Variants in UTRN observed in about 807,000 individuals in gnomAD.
UTRN encodes the protein dystrophin-related protein 1.
A neutral mutation model predicts 463.9 loss-of-function variants in UTRN; 283 were observed. The ratio of observed to expected loss-of-function variants is 0.61; its 90% confidence interval spans 0.55 to 0.67. The LOEUF (loss-of-function observed/expected upper bound fraction) is 0.67, where lower values mean the gene tolerates loss of function less well. Among genes scored for constraint, UTRN ranks in the 30% least tolerant of loss-of-function variants. The probability of loss-of-function intolerance (pLI) is 0.00; values close to 1 mark genes in which losing one functional copy is unlikely to be tolerated. For missense variants in UTRN, 3,922 were observed against 4,084.3 expected, an observed-to-expected ratio of 0.96 and a Z score of 1.08; for synonymous variants, 1,442 against 1,431.5, an observed-to-expected ratio of 1.01 and a Z score of -0.17.
chr6:144,513,381 C>T (rs1412126082), intron 35 of UTRN, among the ~76,000 whole-genome samples: 3 of 152,074 alleles, frequency 2.0e-5, no homozygotes, highest in East Asian at 1.9e-4. Context: ...GAAACCCCGT[C>T]TCTACTAAAA....
chr6:144,832,748 T>G (rs1458995255), intron 69 of UTRN, among the ~76,000 whole-genome samples: 1 of 152,162 alleles, frequency 6.6e-6, no homozygotes, highest in African/African-American at 2.4e-5. Flanking sequence ...TCTTTCCATA[T>G]TTATTATTTT....
At chr6:144,668,595 C>T (rs1157527385) in intron 51 of UTRN, among the ~76,000 whole-genome samples, 1 of 152,018 alleles carries the variant, frequency 6.6e-6, no homozygotes, top group South Asian at 2.1e-4. Flanking sequence ...CTGGCAGATT[C>T]GATATTCTAG....
Position 144,797,999 on chromosome 6 carries a change from T to G in UTRN, c.9245+9T>G. 1 of 1,614,030 alleles carries G rather than the reference T, an allele frequency of 6.2e-7. No individual in the cohort carries two copies. Among genetic ancestry groups the G allele is most frequent in the South Asian group, 1.1e-5 (1 of 91,062 alleles). ...CCAATTGTCGGGTTCAGGTAAGGCG[T>G]GCCAGTGCTGGAGGAGGCTATTTTC... is the stretch of plus-strand genomic sequence containing the variant. On this transcript the variant is annotated intron_variant, in intron 64 of 74. Coordinates refer to ENST00000367545, the MANE Select transcript of UTRN (RefSeq NM_007124.3).
At chr6:144,423,733 T>C in intron 5 of UTRN, 107 bp downstream of exon 5, 1 of 1,335,008 alleles carries the variant, frequency 7.5e-7, no homozygotes, top group Non-Finnish European at 1.1e-6. Context: ...CTTGCAAACA[T>C]TTTTTCTTAT....
In UTRN at chr6:144,422,010, A is replaced by G. The variant is rs774409791; in HGVS notation, c.234+40A>G. On this transcript the variant is annotated intron_variant, in intron 4 of 74. Coordinates refer to ENST00000367545, the MANE Select transcript of UTRN (RefSeq NM_007124.3). ...TTTGTAAACAACGGAGTCTCCGGTC[A>G]TTGCTGATACTTGATGACCCAGTGT... 5.2e-6 allele frequency: 8 copies of G among 1,549,764 alleles called. No homozygotes were observed. The African/African-American group carries it at 5.5e-5, about 11-fold the overall frequency.
chr6:144,589,126 A>G (rs1376475212), intron 51 of UTRN, among the ~76,000 whole-genome samples: 8 of 152,256 alleles, frequency 5.3e-5, no homozygotes, highest in Admixed American at 5.2e-4. Context: ...AAGTTAAGCA[A>G]GAATTTTGGA....
intron 43 of UTRN, among the ~76,000 whole-genome samples, chr6:144,535,922 A>G (rs1231951486): frequency 6.6e-6 from 1 of 152,080 alleles, no homozygotes; most frequent in Non-Finnish European, 1.5e-5. Flanking sequence ...TGGGGCTGCA[A>G]GTGTGTGCTA....
intron 66 of UTRN, among the ~76,000 whole-genome samples, chr6:144,826,850 G>C (rs1399611871): frequency 6.6e-6 from 1 of 151,944 alleles, no homozygotes; most frequent in Non-Finnish European, 1.5e-5. Context: ...ATCTGGGTTT[G>C]GATGTTTACA....
At chr6:144,760,210 A>G (rs1225308348) in intron 58 of UTRN, among the ~76,000 whole-genome samples, 2 of 152,076 alleles carry the variant, frequency 1.3e-5, no homozygotes, top group Non-Finnish European at 2.9e-5. Flanking sequence ...ATCTGGTAGG[A>G]TTGTATTCTT....
At chr6:144,308,701 C>T (rs572572640) in intron 2 of UTRN, among the ~76,000 whole-genome samples, 9 of 152,322 alleles carry the variant, frequency 5.9e-5, no homozygotes, top group Admixed American at 1.3e-4. Context: ...CCACCCTAAC[C>T]GTGTACATTG....
At chr6:144,635,759 G>A (rs1777108730) in intron 51 of UTRN, among the ~76,000 whole-genome samples, 1 of 150,406 alleles carries the variant, frequency 6.6e-6, no homozygotes, top group Non-Finnish European at 1.5e-5. Context: ...GGCTGGTCTT[G>A]AATTCCTGAC....
chr6:144,645,764 T>G (rs892750482), intron 51 of UTRN, among the ~76,000 whole-genome samples: 1 of 152,092 alleles, frequency 6.6e-6, no homozygotes, highest in Non-Finnish European at 1.5e-5. Flanking sequence ...GCTGTGTTGG[T>G]GATGTGAGTA....
chr6:144,745,104 G>A (rs902662291), intron 54 of UTRN, among the ~76,000 whole-genome samples: 12 of 152,092 alleles, frequency 7.9e-5, no homozygotes, highest in African/African-American at 2.9e-4. Context: ...TGTGAGGGTC[G>A]TTTCTAACAT....
chr6:144,732,214 TTA>T lies in UTRN; in HGVS notation c.7939+1751_7939+1752del, dbSNP rs1174420940. ...AATTATTCCTTTTGAGTACTCTGTT[TTA>T]TATATATATATATATATATATACAT... On this transcript the variant is annotated intron_variant, in intron 54 of 74. Coordinates refer to ENST00000367545, the MANE Select transcript of UTRN (RefSeq NM_007124.3). Among the ~76,000 whole-genome samples, 346 of 92,204 alleles carry T rather than the reference TTA, an allele frequency of 3.8e-3. 3 individuals are homozygous for T. Among genetic ancestry groups the T allele is most frequent in the Middle Eastern group, 5.3e-3 (1 of 190 alleles). 60.5% of individuals were successfully genotyped at this position (92,204 alleles called of 152,430 possible).
At chr6:144,344,412 C>A in intron 2 of UTRN, 2 of 1,226,628 alleles carry the variant, frequency 1.6e-6, no homozygotes, top group Admixed American at 2.5e-5. Flanking sequence ...AGCTTAGGAC[C>A]AGGCTGGTGA....
At chr6:144,471,057 A>AGGGGGGGGGGGGGGG (rs1454781033) in intron 23 of UTRN, among the ~76,000 whole-genome samples, 4 of 21,460 alleles carry the variant, frequency 1.9e-4, no homozygotes, top group Admixed American at 5.9e-4. Flanking sequence ...AGGGAGGGGG[A>AGGGGGGGGGGGGGGG]GAGGGAGGGG....
intron 73 of UTRN, among the ~76,000 whole-genome samples, chr6:144,844,194 C>A (rs1440718956): frequency 6.6e-6 from 1 of 151,752 alleles, no homozygotes; most frequent in Non-Finnish European, 1.5e-5. Context: ...AATTATTAAA[C>A]CTTTTAAAAA....
At chr6:144,605,664 C>T (rs1434993077) in intron 51 of UTRN, among the ~76,000 whole-genome samples, 1 of 146,594 alleles carries the variant, frequency 6.8e-6, no homozygotes, top group Admixed American at 6.9e-5. Flanking sequence ...CTGTTAACTT[C>T]AGTGTGGGTG....
At chr6:144,370,647 A>G (rs1206827273) in intron 2 of UTRN, among the ~76,000 whole-genome samples, 2 of 152,192 alleles carry the variant, frequency 1.3e-5, no homozygotes, top group Admixed American at 6.5e-5. Flanking sequence ...TTCAGACCCC[A>G]GAATGGTAGA....
Sources: allele counts gnomAD v4.1 joint callset (sites outside exome capture counted in the v4.1 genomes callset), GRCh38; gene constraint gnomAD v4.1.1; transcripts MANE v1.5; gene names NCBI Gene and HGNC (gene_info 2026-07-23, HGNC 2026-07-21).